CA10: variants seen among roughly 807,000 people sequenced by gnomAD.
CA10 encodes the protein carbonic anhydrase-related protein 10.
In CA10, 14 loss-of-function variants were observed where a neutral mutation model predicts 44.2. That is an observed-to-expected ratio of 0.32 (90% confidence interval 0.21 to 0.50). The LOEUF (loss-of-function observed/expected upper bound fraction) is 0.50, where lower values mean the gene tolerates loss of function less well. Among genes scored for constraint, CA10 ranks in the 20% least tolerant of loss-of-function variants. The pLI, the probability that CA10 is intolerant of heterozygous loss-of-function variation, is 0.99. For missense variants in CA10, 350 were observed against 409.7 expected (o/e 0.85, Z 1.26); for synonymous variants, 159 against 141.6 (o/e 1.12, Z -0.87).
intron 1 of CA10, among the ~76,000 whole-genome samples, chr17:52,073,647 T>C (rs994583658): frequency 6.6e-6 from 1 of 152,192 alleles, no homozygotes; most frequent in African/African-American, 2.4e-5. Flanking sequence ...ATCTCAGGCA[T>C]GGACACACAA....
At chr17:51,674,081 A>G (rs895941971) in intron 4 of CA10, among the ~76,000 whole-genome samples, 3 of 152,158 alleles carry the variant, frequency 2.0e-5, no homozygotes, top group Non-Finnish European at 4.4e-5. Flanking sequence ...CATGCCCACA[A>G]CATACCTCTA....
At chr17:52,007,029 A>C (rs1985624258) in intron 2 of CA10, among the ~76,000 whole-genome samples, 1 of 151,660 alleles carries the variant, frequency 6.6e-6, no homozygotes, top group Non-Finnish European at 1.5e-5. Flanking sequence ...ATTATTATCA[A>C]TGGAAATTTT....
At chr17:51,691,855 C>A (rs562109419) in intron 4 of CA10, among the ~76,000 whole-genome samples, 4 of 152,034 alleles carry the variant, frequency 2.6e-5, no homozygotes, top group Non-Finnish European at 5.9e-5. Context: ...TTCTTGACAC[C>A]TTTGTCACCC....
chr17:51,959,797 G>GAAAAAAAAAAAAAAAAAAAAGAAA (rs3062037), intron 2 of CA10, among the ~76,000 whole-genome samples: 49 of 112,198 alleles, frequency 4.4e-4, no homozygotes, highest in Non-Finnish European at 6.0e-4. Context: ...CTGCTAAGAT[G>GAAAAAAAAAAAAAAAAAAAAGAAA]AAAAAAAAAA....
intron 2 of CA10, among the ~76,000 whole-genome samples, chr17:51,934,654 G>T (rs1047348352): frequency 6.6e-6 from 1 of 152,044 alleles, no homozygotes; most frequent in Non-Finnish European, 1.5e-5. Context: ...CAGTTCAGGC[G>T]ATGTGTTTGG....
At chr17:51,917,110 C>T (rs1168158309) in intron 3 of CA10, among the ~76,000 whole-genome samples, 3 of 152,144 alleles carry the variant, frequency 2.0e-5, no homozygotes, top group African/African-American at 7.2e-5. Flanking sequence ...TGATAAATCT[C>T]TATCATCCAG....
intron 1 of CA10, among the ~76,000 whole-genome samples, chr17:52,074,602 T>C (rs1175582881): frequency 4.4e-5 from 2 of 45,872 alleles, no homozygotes; most frequent in Admixed American, 6.1e-4. Flanking sequence ...AAATATACAC[T>C]TAGCACTCAA....
intron 2 of CA10, among the ~76,000 whole-genome samples, chr17:51,984,831 C>T (rs1005215245): frequency 4.6e-5 from 7 of 151,810 alleles, no homozygotes; most frequent in African/African-American, 1.7e-4. Context: ...ATACCCTGAA[C>T]AGACTAATAA....
intron 3 of CA10, among the ~76,000 whole-genome samples, chr17:51,767,203 T>C (rs961486673): frequency 3.3e-5 from 5 of 152,220 alleles, no homozygotes; most frequent in African/African-American, 1.2e-4. Context: ...TCAGGGAGTT[T>C]AGCTTAATCA....
intron 2 of CA10, among the ~76,000 whole-genome samples, chr17:52,034,635 C>T (rs867364467): frequency 1.3e-5 from 2 of 152,008 alleles, no homozygotes; most frequent in Non-Finnish European, 2.9e-5. Context: ...CCAATCCAGT[C>T]CAGCTCAACC....
chr17:51,949,100 C>A (rs1327890594), intron 2 of CA10, among the ~76,000 whole-genome samples: 1 of 152,126 alleles, frequency 6.6e-6, no homozygotes, highest in African/African-American at 2.4e-5. Flanking sequence ...ATTTAAATAA[C>A]TTTGAGAATA....
intron 2 of CA10, among the ~76,000 whole-genome samples, chr17:52,053,717 A>G (rs1043069453): frequency 1.3e-5 from 2 of 152,226 alleles, no homozygotes; most frequent in African/African-American, 4.8e-5. Flanking sequence ...GGGACCCCGA[A>G]TGGAGGGACC....
At chr17:51,702,878 G>C (rs190544040) in intron 4 of CA10, among the ~76,000 whole-genome samples, 39 of 152,298 alleles carry the variant, frequency 2.6e-4, no homozygotes, top group Non-Finnish European at 3.8e-4. Flanking sequence ...CCTTGGAGTA[G>C]TAGCAGCCAG....
chr17:51,778,310 T>G (rs564979137), intron 3 of CA10, among the ~76,000 whole-genome samples: 41 of 152,288 alleles, frequency 2.7e-4, no homozygotes, highest in Admixed American at 1.6e-3. Context: ...CTCCCCAGAC[T>G]CAACTGATGG....
chr17:51,871,855 T>G (rs191233659), intron 3 of CA10, among the ~76,000 whole-genome samples: 2 of 152,242 alleles, frequency 1.3e-5, no homozygotes, highest in African/African-American at 4.8e-5. Flanking sequence ...ACCACTACCC[T>G]GAGAGAGTTC....
chr17:52,111,280 G>A (rs150751790), intron 1 of CA10, among the ~76,000 whole-genome samples: 4 of 152,212 alleles, frequency 2.6e-5, no homozygotes, highest in Admixed American at 6.5e-5. Context: ...TTACACCTAC[G>A]CTTACATCCA....
intron 1 of CA10, among the ~76,000 whole-genome samples, chr17:52,087,607 ATTCTGTTC>A (rs1988151933): frequency 6.6e-6 from 1 of 152,230 alleles, no homozygotes; most frequent in Non-Finnish European, 1.5e-5. Context: ...GCTGTCTTCA[ATTCTGTTC>A]TATACAGTGA....
chr17:51,767,148 G>GTGCAT (rs1905415863), intron 3 of CA10, among the ~76,000 whole-genome samples: 1 of 152,208 alleles, frequency 6.6e-6, no homozygotes, highest in Non-Finnish European at 1.5e-5. Context: ...AATTGCATGA[G>GTGCAT]GAGGATTTAA....
At chr17:51,911,994 T>G (rs2143952306) in intron 3 of CA10, among the ~76,000 whole-genome samples, 1 of 152,288 alleles carries the variant, frequency 6.6e-6, no homozygotes, top group Admixed American at 6.5e-5. Context: ...GAGCAATTAC[T>G]TTAGTAATTC....
Sources: gnomAD v4.1 joint callset for allele counts (sites outside exome capture counted in the v4.1 genomes callset) on GRCh38, gnomAD v4.1.1 for gene constraint, MANE v1.5 for transcripts, NCBI Gene and HGNC (gene_info 2026-07-23, HGNC 2026-07-21) for gene names.